The following KCNT2 variants were observed in gnomAD, a reference collection of about 807,000 sequenced individuals.
KCNT2 encodes potassium sodium-activated channel subfamily T member 2.
In KCNT2, 67 loss-of-function variants were observed where a neutral mutation model predicts 153.8. That is an observed-to-expected ratio of 0.44 (90% CI 0.36 to 0.53). The LOEUF is 0.53. Among genes scored for constraint, KCNT2 ranks in the 20% least tolerant of loss-of-function variants. The pLI, the probability that KCNT2 is intolerant of heterozygous loss-of-function variation, is 0.00. For synonymous variants in KCNT2, 500 were observed against 458.8 expected, an observed-to-expected ratio of 1.09 and a Z score of -1.15; for missense variants, 975 against 1,354.8, an observed-to-expected ratio of 0.72 and a Z score of 4.40.
At chr1:196,388,437 A>T (rs1476216711) in intron 13 of KCNT2, among the ~76,000 whole-genome samples, 1 of 151,636 alleles carries the variant, frequency 6.6e-6, no homozygotes, top group African/African-American at 2.4e-5. Context: ...TTTCAAAGTG[A>T]CAGCTATAAT....
chr1:196,587,035 T>C (rs371915178), intron 1 of KCNT2, among the ~76,000 whole-genome samples: 9 of 152,218 alleles, frequency 5.9e-5, no homozygotes, highest in African/African-American at 1.9e-4. Context: ...TGATTCTACT[T>C]TCCTCAAAGC....
chr1:196,602,580 A>G (rs551152664), intron 1 of KCNT2, among the ~76,000 whole-genome samples: 1 of 152,298 alleles, frequency 6.6e-6, no homozygotes, highest in Admixed American at 6.5e-5. Flanking sequence ...AACTTTAAAA[A>G]TAAAGTATCA....
intron 1 of KCNT2, among the ~76,000 whole-genome samples, chr1:196,573,365 G>T (rs933006593): frequency 6.6e-6 from 1 of 152,028 alleles, no homozygotes; most frequent in Non-Finnish European, 1.5e-5. Flanking sequence ...CTTCTGTGAT[G>T]GGAATTTGCA....
At chr1:196,508,053 G>A (rs903192772) in intron 1 of KCNT2, among the ~76,000 whole-genome samples, 6 of 151,508 alleles carry the variant, frequency 4.0e-5, no homozygotes, top group Non-Finnish European at 5.9e-5. Flanking sequence ...ATTGATTCGT[G>A]AAATTTAAAA....
At chr1:196,302,246 TCTC>T (rs1350999013) in intron 22 of KCNT2, among the ~76,000 whole-genome samples, 1 of 151,962 alleles carries the variant, frequency 6.6e-6, no homozygotes, top group Non-Finnish European at 1.5e-5. Context: ...ATCCTAAAAA[TCTC>T]CTTGCACCCA....
At chr1:196,451,502 T>C (rs145050527) in intron 8 of KCNT2, among the ~76,000 whole-genome samples, 8,254 of 146,450 alleles carry the variant, frequency 0.056, 361 homozygotes, top group Non-Finnish European at 0.085. Flanking sequence ...CTGCTTGCCT[T>C]GACCTCCCAA....
intron 5 of KCNT2, among the ~76,000 whole-genome samples, chr1:196,478,865 C>T (rs980357259): frequency 6.6e-6 from 1 of 152,016 alleles, no homozygotes; most frequent in Non-Finnish European, 1.5e-5. Context: ...TTTGCTTTCT[C>T]AATATTTTGT....
chr1:196,333,907 A>C lies in KCNT2; in HGVS notation c.1937T>G (p.Leu646Arg). The C allele has an allele frequency of 6.2e-7, 1 of 1,612,996 alleles. No individual in the cohort carries two copies. The highest frequency in any genetic ancestry group is 8.5e-7 in the Non-Finnish European group (1 of 1,179,340). ...ADTSSIQTCD[L>R]LSDQSEDETT... is the part of the protein sequence containing the mutation. ...TTCATCTTCTGATTGGTCACTTAGA[A>C]GATCACATGTTTGAATCGATGATGT... The change falls in exon 17 of 28, where the codon CTT becomes CGT. Residue 646 changes from leucine to arginine, a missense_variant. Physicochemically the swap from Leu to Arg is moderately radical, Grantham distance 102. Transcript: ENST00000294725.
chr1:196,556,180 C>A (rs1294606549), intron 1 of KCNT2, among the ~76,000 whole-genome samples: 1 of 151,318 alleles, frequency 6.6e-6, no homozygotes, highest in African/African-American at 2.4e-5. Context: ...ACCTTCTGCT[C>A]TGCAAAAGAA....
At chr1:196,369,528 A>G (rs1460063319) in intron 14 of KCNT2, among the ~76,000 whole-genome samples, 2 of 121,624 alleles carry the variant, frequency 1.6e-5, no homozygotes, top group African/African-American at 6.4e-5. Context: ...TCCTGTGTCC[A>G]TGTGATCTCA....
intron 13 of KCNT2, among the ~76,000 whole-genome samples, chr1:196,383,604 A>C (rs972850938): frequency 1.3e-5 from 2 of 152,202 alleles, no homozygotes; most frequent in African/African-American, 2.4e-5. Flanking sequence ...TGGGCTGAAC[A>C]GTATAAATAA....
chr1:196,605,055 A>G (rs1398211098), intron 1 of KCNT2, among the ~76,000 whole-genome samples: 10 of 152,154 alleles, frequency 6.6e-5, no homozygotes, highest in Non-Finnish European at 1.2e-4. Flanking sequence ...TGCTTCATTC[A>G]TTTTCATGTG....
chr1:196,332,479 T>G (rs575325032), intron 17 of KCNT2, among the ~76,000 whole-genome samples: 1 of 152,220 alleles, frequency 6.6e-6, no homozygotes, highest in South Asian at 2.1e-4. Flanking sequence ...CTTACAGTAT[T>G]TTTTTAAGTG....
At chr1:196,300,235 A>G (rs1038317094) in intron 22 of KCNT2, among the ~76,000 whole-genome samples, 1 of 152,236 alleles carries the variant, frequency 6.6e-6, no homozygotes, top group Non-Finnish European at 1.5e-5. Flanking sequence ...GCTCCTCAAG[A>G]TGGCAAGGAA....
chr1:196,570,196 A>G (rs1046691569), intron 1 of KCNT2, among the ~76,000 whole-genome samples: 6 of 152,162 alleles, frequency 3.9e-5, no homozygotes, highest in African/African-American at 1.2e-4. Context: ...CAGTAACAAC[A>G]GCAAGAATAA....
intron 13 of KCNT2, among the ~76,000 whole-genome samples, chr1:196,374,985 G>A (rs1366562707): frequency 6.6e-6 from 1 of 151,792 alleles, no homozygotes; most frequent in African/African-American, 2.4e-5. Flanking sequence ...TTACTACAGT[G>A]CACAAACCAT....
chr1:196,244,824 G>A (rs111689398), intron 26 of KCNT2, among the ~76,000 whole-genome samples: 1 of 152,044 alleles, frequency 6.6e-6, no homozygotes, highest in Non-Finnish European at 1.5e-5. Flanking sequence ...GCCACCTTCT[G>A]TTTGTAGAGC....
chr1:196,286,957 A>G (rs1168766380), intron 22 of KCNT2, among the ~76,000 whole-genome samples: 2 of 152,050 alleles, frequency 1.3e-5, no homozygotes, highest in African/African-American at 4.8e-5. Flanking sequence ...TAAGAAATCA[A>G]CCTTCACTTC....
At chr1:196,524,137 T>C (rs1653863359) in intron 1 of KCNT2, among the ~76,000 whole-genome samples, 1 of 152,200 alleles carries the variant, frequency 6.6e-6, no homozygotes, top group Non-Finnish European at 1.5e-5. Context: ...ACTAAATTTC[T>C]TTGTTTCTAC....
Sources: gnomAD v4.1 joint callset for allele counts (sites outside exome capture counted in the v4.1 genomes callset) on GRCh38, gnomAD v4.1.1 for gene constraint, MANE v1.5 for transcripts, NCBI Gene and HGNC (gene_info 2026-07-23, HGNC 2026-07-21) for gene names.